The following DNAH12 variants were observed in gnomAD, a reference collection of about 807,000 sequenced individuals.
The protein encoded by DNAH12 is axonemal beta dynein heavy chain 12.
Under a neutral mutation model 371.5 loss-of-function variants are expected in DNAH12, and 285 were observed. The ratio of observed to expected loss-of-function variants is 0.77; its 90% CI spans 0.70 to 0.85. The LOEUF (loss-of-function observed/expected upper bound fraction) is 0.85. Ranked by LOEUF, DNAH12 falls within the 40% of genes least tolerant of loss-of-function variation. DNAH12 has a pLI of 0.00. For missense variants in DNAH12, 3,611 were observed against 3,689.4 expected, an observed-to-expected ratio of 0.98 and a Z score of 0.55; for synonymous variants, 1,200 against 1,213.0, an observed-to-expected ratio of 0.99 and a Z score of 0.22.
Position 57,499,645 on chromosome 3 carries a change from AAAAT to A in DNAH12, c.1335+1672_1335+1675del, listed in dbSNP as rs1208949669. ...ACCATCTCTACAAAAAAAAAAAAAA[AAAAT>A]ATATATATATATATATATATATATA... On this transcript the variant is annotated intron_variant, in intron 11 of 73. Coordinates refer to ENST00000495027, the MANE Select transcript of DNAH12 (RefSeq NM_001366028.2). Among the ~76,000 whole-genome samples the A allele has an allele frequency of 9.4e-4, 22 of 23,376 alleles. 1 individual carries two copies. Among genetic ancestry groups the A allele is most frequent in the African/African-American group, 3.1e-3 (18 of 5,776 alleles). 15.3% of individuals were successfully genotyped at this position (23,376 alleles called of 152,430 possible). A position where few individuals can be genotyped will look rare whatever the true frequency, so the allele number is the denominator to read the frequency against.
intron 12 of DNAH12, among the ~76,000 whole-genome samples, chr3:57,488,934 CAA>C (rs1414533858): frequency 8.0e-6 from 1 of 124,258 alleles, no homozygotes; most frequent in Non-Finnish European, 1.8e-5. Context: ...GTAAGAAATC[CAA>C]AGTGTGTGTG....
chr3:57,476,911 T>C (rs899962473), intron 13 of DNAH12, among the ~76,000 whole-genome samples: 1 of 152,146 alleles, frequency 6.6e-6, no homozygotes, highest in African/African-American at 2.4e-5. Flanking sequence ...TACACAAAAT[T>C]AGTGAAACTA....
intron 43 of DNAH12, 101 bp downstream of exon 43, chr3:57,403,208 T>A: frequency 8.7e-7 from 1 of 1,146,744 alleles, no homozygotes; most frequent in South Asian, 1.7e-5. Flanking sequence ...ATCATCATCA[T>A]CACTGGAGTT....
At chr3:57,481,234 A>T (rs1257325645) in intron 13 of DNAH12, among the ~76,000 whole-genome samples, 2 of 152,208 alleles carry the variant, frequency 1.3e-5, no homozygotes, top group Non-Finnish European at 2.9e-5. Context: ...TCAGAATACA[A>T]AATCAATGTG....
intron 62 of DNAH12, among the ~76,000 whole-genome samples, chr3:57,328,015 A>G (rs935567942): frequency 4.0e-5 from 6 of 151,842 alleles, no homozygotes; most frequent in Admixed American, 2.6e-4. Context: ...AACCAGGAAG[A>G]AGTTGAATCT....
At chr3:57,519,677 C>T (rs1310719042) in intron 4 of DNAH12, 4 of 1,598,692 alleles carry the variant, frequency 2.5e-6, no homozygotes, top group African/African-American at 1.3e-5. Context: ...TCTCATTTGC[C>T]GATTCTTTGG....
At chr3:57,408,207 C>A (rs879951588) in intron 40 of DNAH12, 73 bp downstream of exon 40, 1 of 1,420,014 alleles carries the variant, frequency 7.0e-7, no homozygotes, top group Admixed American at 3.0e-5. Context: ...CAGATAGCAT[C>A]AAAAAAATAA....
rs1318773073 is a variant in DNAH12 at position 57,421,637 on chromosome 3, C to CA, written c.5442dup (p.Asp1815Ter). 3 of 1,551,548 alleles carry CA rather than the reference C, an allele frequency of 1.9e-6. No individual in the cohort carries two copies. In the East Asian group the frequency reaches 7.3e-5, roughly 38 times the overall value. On this transcript the variant is annotated frameshift_variant, in exon 36 of 74. Transcript: ENST00000495027. LOFTEE classifies it high-confidence loss of function. ...AGTATGATTAATCGTATGAAAGTATCAAAAACACGACGGCCATCTGTATCA... is the reference window on the plus strand; with the variant it reads ...AGTATGATTAATCGTATGAAAGTATCAAAAAACACGACGGCCATCTGTATCA...
At chr3:57,512,944 C>G (rs2068050952) in intron 4 of DNAH12, among the ~76,000 whole-genome samples, 1 of 151,954 alleles carries the variant, frequency 6.6e-6, no homozygotes, top group South Asian at 2.1e-4. Context: ...CAAGACCAGC[C>G]TGGTCAAGAT....
intron 55 of DNAH12, 95 bp from the exon 56 acceptor site, chr3:57,368,355 A>G (rs2063095098): frequency 6.6e-6 from 1 of 152,170 alleles, no homozygotes; most frequent in South Asian, 2.1e-4. Context: ...CAATCTGTAC[A>G]AAGTATTTCA....
intron 36 of DNAH12, among the ~76,000 whole-genome samples, chr3:57,419,783 CTT>C (rs1488673285): frequency 2.0e-5 from 3 of 151,898 alleles, no homozygotes; most frequent in Non-Finnish European, 4.4e-5. Context: ...TATAATGTAA[CTT>C]TTGTTATCAC....
rs1472926670 is a variant in DNAH12 at position 57,334,526 on chromosome 3, A to G, written c.9917T>C (p.Met3306Thr). The change falls in exon 62 of 74, where the codon ATG becomes ACG. Residue 3306 changes from methionine to threonine, a missense_variant. By Grantham distance (81) the Met-to-Thr change is moderately conservative. Around this residue, in one of 3 missense-constraint regions of DNAH12, gnomAD observed 2,266 missense variants for 2,236.9 expected, o/e 1.01. Transcript: ENST00000495027. ...CTGTAGTTCATTTAGGTTCTTATCC[A>G]TTGGTGCTGGAAATTTAGCATTATG... ...EPHNAKFPAPMDKNLNELQKI... is the reference protein window; with the variant it reads ...EPHNAKFPAPTDKNLNELQKI... 1 of 1,551,094 alleles carries G rather than the reference A, an allele frequency of 6.4e-7. No individual in the cohort carries two copies. The highest frequency in any genetic ancestry group is 8.7e-7 in the Non-Finnish European group (1 of 1,146,874).
rs1327869359 is a variant in DNAH12 at position 57,457,735 on chromosome 3, C to T, written c.3322G>A (p.Ala1108Thr). The T allele has an allele frequency of 2.6e-6, 4 of 1,549,060 alleles. No individual in the cohort carries two copies. Among genetic ancestry groups the T allele is most frequent in the Non-Finnish European group, 3.5e-6 (4 of 1,144,936 alleles). ...LMLRSVHDVI[A>T]AARLAYPESA... ...AGGAAACACACCAGCCTGGCTGCAG[C>T]GATCACATCGTGAACACTCCGGAGC... The change falls in exon 22 of 74, where the codon GCT (alanine) becomes ACT (threonine). Residue 1108 changes from alanine (A) to threonine (T), a missense_variant. By Grantham distance (58) the Ala-to-Thr change is moderately conservative. Around this residue, in one of 3 missense-constraint regions of DNAH12, gnomAD observed 1,314 missense variants for 1,398.7 expected, o/e 0.94. Transcript: ENST00000495027.
At chr3:57,420,183 C>T (rs1348891423) in intron 36 of DNAH12, among the ~76,000 whole-genome samples, 1 of 152,154 alleles carries the variant, frequency 6.6e-6, no homozygotes, top group Non-Finnish European at 1.5e-5. Context: ...GCCTCCCAAT[C>T]TTCACTCCAC....
chr3:57,525,756 C>T (rs199873752), intron 2 of DNAH12, among the ~76,000 whole-genome samples: 125 of 76,216 alleles, frequency 1.6e-3, no homozygotes, highest in South Asian at 3.4e-3. Flanking sequence ...ATGTCTTATT[C>T]TTTTTTTTTT....
At chr3:57,370,152 G>A (rs2063138597) in intron 55 of DNAH12, among the ~76,000 whole-genome samples, 1 of 152,164 alleles carries the variant, frequency 6.6e-6, no homozygotes, top group African/African-American at 2.4e-5. Context: ...TTGCTGTTAA[G>A]TAGCCAAAGC....
chr3:57,413,768 G>A lies in DNAH12; in HGVS notation c.5998C>T (p.Gln2000Ter). ...GAQPPIELLR[Q>*]FFDCGHWYDL... ...TACCAATGTCCACAGTCAAAAAACT[G>A]TCGTAATAATTCAATAGGTGGTTGA... Residue 2000 changes from glutamine to a stop codon, truncating the protein, a stop_gained, in exon 39 of 74, where the codon CAG (glutamine) becomes TAG (stop). Coordinates refer to ENST00000495027, the MANE Select transcript of DNAH12 (RefSeq NM_001366028.2). LOFTEE classifies it high-confidence loss of function. The A allele has an allele frequency of 5.2e-6, 8 of 1,550,776 alleles. No homozygotes were observed. The highest frequency in any genetic ancestry group is 7.0e-6 in the Non-Finnish European group (8 of 1,146,632).
At chr3:57,443,912 A>G (rs572355364) in intron 29 of DNAH12, among the ~76,000 whole-genome samples, 1 of 152,100 alleles carries the variant, frequency 6.6e-6, no homozygotes, top group Non-Finnish European at 1.5e-5. Context: ...AAAATAAAAT[A>G]TTTTTTCTCA....
chr3:57,426,417 T>C lies in DNAH12; in HGVS notation c.5254-1276A>G, dbSNP rs116462195. On this transcript the variant is annotated intron_variant, in intron 34 of 73. Coordinates refer to ENST00000495027, the MANE Select transcript of DNAH12 (RefSeq NM_001366028.2). ...AGCAGCTGCATGGTATTGATTCAGG[T>C]AGGAAGTGATGATGGTCAGAATTGA... is the stretch of plus-strand genomic sequence containing the variant. Among the ~76,000 whole-genome samples the C allele has an allele frequency of 3.3e-3, 503 of 151,774 alleles. 2 individuals are homozygous for C. Among genetic ancestry groups the C allele is most frequent in the African/African-American group, 0.011 (470 of 41,342 alleles).
Sources: allele counts gnomAD v4.1 joint callset (sites outside exome capture counted in the v4.1 genomes callset), GRCh38; gene constraint gnomAD v4.1.1; regional missense constraint gnomAD v4.1.1; transcripts MANE v1.5; gene names NCBI Gene and HGNC (gene_info 2026-07-23, HGNC 2026-07-21).